The following TEX36 variants were observed in gnomAD, a reference collection of about 807,000 sequenced individuals.
The protein encoded by TEX36 is testis expressed 36, also known as testis-expressed protein 36.
TEX36 carries 12 observed loss-of-function variants against 13.6 expected under a neutral mutation model. The ratio of observed to expected loss-of-function variants is 0.88; its 90% confidence interval spans 0.56 to 1.43. TEX36 has a LOEUF of 1.43. Among genes scored for constraint, TEX36 ranks in the 40% most tolerant of loss-of-function variants. The pLI is 0.00. For missense variants in TEX36, 224 were observed against 228.3 expected, an observed-to-expected ratio of 0.98 and a Z score of 0.12; for synonymous variants, 93 against 83.0, an observed-to-expected ratio of 1.12 and a Z score of -0.65.
At chr10:125,624,137 A>G (rs1330998449) in intron 3 of TEX36, among the ~76,000 whole-genome samples, 1 of 152,242 alleles carries the variant, frequency 6.6e-6, no homozygotes, top group Non-Finnish European at 1.5e-5. Context: ...GAATTGTTAC[A>G]GGCTCAGAAA....
rs989217723 is a variant in TEX36, at chr10:125,592,553, C to T, written c.265-15679G>A. On this transcript the variant is annotated intron_variant, in intron 3 of 3. Transcript: ENST00000532135. ...CCAGATATGCTGGGTTTCCTCCCTG[C>T]ACATCCAGCAATTCTCTAGCAGACA... Among the ~76,000 whole-genome samples the T allele has an allele frequency of 2.6e-4, 40 of 152,116 alleles. 1 individual carries two copies. Among genetic ancestry groups the T allele is most frequent in the South Asian group, 1.2e-3 (6 of 4,810 alleles).
intron 3 of TEX36, among the ~76,000 whole-genome samples, chr10:125,580,507 G>A (rs1191038578): frequency 6.6e-6 from 1 of 152,176 alleles, no homozygotes; most frequent in African/African-American, 2.4e-5. Flanking sequence ...AGGGGTAAAG[G>A]GGAGGAAAGA....
intron 3 of TEX36, among the ~76,000 whole-genome samples, chr10:125,605,586 G>GTTTATTTATTTA (rs56727269): frequency 2.6e-4 from 40 of 151,396 alleles, no homozygotes; most frequent in Middle Eastern, 6.8e-3. Context: ...GGTCCAAGAT[G>GTTTATTTATTTA]TTTATTTATT....
At chr10:125,654,124 A>T (rs2133588079), downstream of TEX36, among the ~76,000 whole-genome samples, 1 of 152,318 alleles carries the variant, frequency 6.6e-6, no homozygotes, top group East Asian at 1.9e-4. Flanking sequence ...ATAATTTTCC[A>T]TTTAGAAAAA....
chr10:125,655,807 T>G lies in TEX36; in HGVS notation c.*93A>C. 7.4e-7 allele frequency: 1 copy of G among 1,354,722 alleles called. No individual in the cohort carries two copies. The highest frequency in any genetic ancestry group is 9.5e-7 in the Non-Finnish European group (1 of 1,049,178). The allele number at this position is 1,354,722 out of a possible 1,614,324, so 83.9% of individuals were successfully genotyped here. On this transcript the variant is annotated 3_prime_UTR_variant, in exon 4 of 4. Coordinates refer to ENST00000368821, the MANE Select transcript of TEX36 (RefSeq NM_001128202.3). Reference sequence around the variant, plus strand: ...AAAAATCATAAAAGTACTTTAAAAATTAAATAGTGGTGCTGGATCAGAAAA... The same window carrying G: ...AAAAATCATAAAAGTACTTTAAAAAGTAAATAGTGGTGCTGGATCAGAAAA...
intron 3 of TEX36, among the ~76,000 whole-genome samples, chr10:125,625,860 A>T (rs1846482117): frequency 6.6e-6 from 1 of 152,210 alleles, no homozygotes; most frequent in Admixed American, 6.5e-5. Flanking sequence ...CCGCTGCTAC[A>T]GGTGAAGGAT....
intron 3 of TEX36, among the ~76,000 whole-genome samples, chr10:125,589,828 A>T (rs2133531307): frequency 6.6e-6 from 1 of 152,354 alleles, no homozygotes; most frequent in African/African-American, 2.4e-5. Context: ...TTGAGCTATT[A>T]TCAGAATAAT....
chr10:125,619,168 C>G (rs1248057234), downstream of TEX36, among the ~76,000 whole-genome samples: 1 of 151,720 alleles, frequency 6.6e-6, no homozygotes, highest in Non-Finnish European at 1.5e-5. Context: ...AAAAATAAAG[C>G]CTTGGAGAAT....
At chr10:125,680,623 C>A (rs1306428507) in intron 1 of TEX36, among the ~76,000 whole-genome samples, 2 of 152,176 alleles carry the variant, frequency 1.3e-5, no homozygotes, top group African/African-American at 4.8e-5. Flanking sequence ...ATGACTGTCA[C>A]CTCTAATGTG....
chr10:125,666,740 C>T (rs933142078), intron 1 of TEX36: 45 of 193,820 alleles, frequency 2.3e-4, no homozygotes, highest in African/African-American at 5.4e-4. Context: ...CATTCACAGA[C>T]GACACCACAC....
chr10:125,667,469 G>C lies in TEX36; in HGVS notation c.52-5492C>G, dbSNP rs1021705670. On this transcript the variant is annotated intron_variant, in intron 1 of 3. Coordinates refer to ENST00000368821, the MANE Select transcript of TEX36 (RefSeq NM_001128202.3). ...GTTGGTATTTTCCATGACGGCAAGG[G>C]CTGAGGGGGTGTGTTCCCCAATCTT... is the stretch of plus-strand genomic sequence containing the variant. 3 of 717,070 alleles carry C rather than the reference G, an allele frequency of 4.2e-6. No individual in the cohort carries two copies. The Admixed American group carries it at 5.3e-5, about 13-fold the overall frequency. The allele number at this position is 717,070 out of a possible 1,614,324, so 44.4% of individuals were successfully genotyped here.
At chr10:125,662,338 T>C (rs1241925304) in intron 1 of TEX36, among the ~76,000 whole-genome samples, 5 of 152,150 alleles carry the variant, frequency 3.3e-5, no homozygotes, top group African/African-American at 1.2e-4. Context: ...CTCCCAGTAC[T>C]GAGGACCTTG....
chr10:125,676,428 GT>G (rs1420225904), intron 1 of TEX36, among the ~76,000 whole-genome samples: 1 of 151,934 alleles, frequency 6.6e-6, no homozygotes, highest in African/African-American at 2.4e-5. Flanking sequence ...TACAGCTACT[GT>G]TGTGCACTTT....
At chr10:125,639,900 G>A (rs1846664903) in intron 3 of TEX36, among the ~76,000 whole-genome samples, 1 of 152,198 alleles carries the variant, frequency 6.6e-6, no homozygotes, top group South Asian at 2.1e-4. Flanking sequence ...AGAGGGATTG[G>A]ATATGCCACT....
chr10:125,648,602 C>T (rs1363620654), intron 3 of TEX36, among the ~76,000 whole-genome samples: 1 of 152,148 alleles, frequency 6.6e-6, no homozygotes, highest in African/African-American at 2.4e-5. Context: ...TGCCTCTTCT[C>T]CAAAGGAACG....
intron 3 of TEX36, among the ~76,000 whole-genome samples, chr10:125,603,102 T>C (rs1846169661): frequency 6.6e-6 from 1 of 152,180 alleles, no homozygotes; most frequent in African/African-American, 2.4e-5. Flanking sequence ...ACTCGGACCA[T>C]TTTTCAGGAG....
chr10:125,679,920 A>C (rs1171908073), intron 1 of TEX36, among the ~76,000 whole-genome samples: 1 of 152,192 alleles, frequency 6.6e-6, no homozygotes, highest in Non-Finnish European at 1.5e-5. Flanking sequence ...CCAGATAACA[A>C]TATTAGCAAC....
intron 3 of TEX36, among the ~76,000 whole-genome samples, chr10:125,631,779 G>A (rs11244590): frequency 0.016 from 2,429 of 152,256 alleles, 34 homozygotes; most frequent in Non-Finnish European, 0.023. Context: ...GCAGGTGCCT[G>A]GTGCCCTGGT....
At chr10:125,586,643 A>C (rs1161995521) in intron 3 of TEX36, among the ~76,000 whole-genome samples, 4 of 150,106 alleles carry the variant, frequency 2.7e-5, no homozygotes, top group African/African-American at 7.3e-5. Flanking sequence ...TCCAAAAAAA[A>C]AAAAAAAAAA....
Sources: allele counts gnomAD v4.1 joint callset (sites outside exome capture counted in the v4.1 genomes callset), GRCh38; gene constraint gnomAD v4.1.1; transcripts MANE v1.5; gene names NCBI Gene and HGNC (gene_info 2026-07-23, HGNC 2026-07-21).